The following GAS2 variants were observed in gnomAD, a reference collection of about 807,000 sequenced individuals.
The protein encoded by GAS2 is growth arrest specific 2.
Under a neutral mutation model 37.5 loss-of-function variants are expected in GAS2, and 20 were observed. The ratio of observed to expected loss-of-function variants is 0.53; its 90% CI spans 0.37 to 0.77. The LOEUF (loss-of-function observed/expected upper bound fraction) is 0.77, where lower values mean the gene tolerates loss of function less well. Among genes scored for constraint, GAS2 ranks in the 30% least tolerant of loss-of-function variants. The probability of loss-of-function intolerance (pLI) is 0.00; values close to 1 mark genes in which losing one functional copy is unlikely to be tolerated. For missense variants in GAS2, 336 were observed against 373.4 expected (o/e 0.90, Z 0.82); for synonymous variants, 144 against 132.2 (o/e 1.09, Z -0.61).
chr11:22,738,802 A>G (rs1230606966), intron 5 of GAS2, among the ~76,000 whole-genome samples: 2 of 152,234 alleles, frequency 1.3e-5, no homozygotes, highest in African/African-American at 4.8e-5. Context: ...TCTTTAAATC[A>G]TCATATCAAT....
chr11:22,692,742 T>C (rs1850309058), intron 3 of GAS2, among the ~76,000 whole-genome samples: 1 of 152,132 alleles, frequency 6.6e-6, no homozygotes. Flanking sequence ...ACCCAAGATA[T>C]TTTCCTTTCA....
chr11:22,649,473 A>T (rs2133828895), intron 1 of GAS2, among the ~76,000 whole-genome samples: 1 of 152,116 alleles, frequency 6.6e-6, no homozygotes, highest in African/African-American at 2.4e-5. Context: ...TATTGATTGG[A>T]ATAGTTTCAG....
intron 5 of GAS2, 133 bp from the exon 6 acceptor site, chr11:22,748,987 A>T: frequency 1.1e-6 from 1 of 892,632 alleles, no homozygotes; most frequent in Non-Finnish European, 1.7e-6. Flanking sequence ...TACAATTTCA[A>T]TGCCAGAAAA....
chr11:22,685,496 C>T (rs928135871), intron 2 of GAS2, among the ~76,000 whole-genome samples, 172 bp from the exon 3 acceptor site: 39 of 152,106 alleles, frequency 2.6e-4, no homozygotes, highest in African/African-American at 9.4e-4. Context: ...ATTCTTGCAA[C>T]CAAAGGAAGA....
At chr11:22,758,564 T>C (rs567239393) in intron 7 of GAS2, among the ~76,000 whole-genome samples, 2 of 152,282 alleles carry the variant, frequency 1.3e-5, no homozygotes, top group South Asian at 4.1e-4. Flanking sequence ...TGTTTACCTT[T>C]ACTTAAAGAT....
intron 7 of GAS2, among the ~76,000 whole-genome samples, chr11:22,767,337 A>G (rs1345453649): frequency 6.6e-6 from 1 of 152,068 alleles, no homozygotes; most frequent in Non-Finnish European, 1.5e-5. Context: ...ACACAGCAAA[A>G]TTTCCTTTTG....
At chr11:22,659,630 G>T (rs928879080) in intron 1 of GAS2, among the ~76,000 whole-genome samples, 1 of 151,984 alleles carries the variant, frequency 6.6e-6, no homozygotes, top group Non-Finnish European at 1.5e-5. Flanking sequence ...CACCACATGG[G>T]GCAGCTCATC....
chr11:22,674,948 A>G lies in GAS2; in HGVS notation c.79A>G (p.Ser27Gly). ...DMHQYSQWLA[S>G]RHEANLLPMK... ...GCATCAGTATAGCCAATGGCTAGCC[A>G]GCAGACATGAAGCTAATTTGCTACC... Residue 27 changes from serine to glycine, a missense_variant, in exon 2 of 8, where the codon AGC becomes GGC. Transcript: ENST00000454584. 6.2e-7 allele frequency: 1 copy of G among 1,613,990 alleles called. No individual in the cohort carries two copies. The highest frequency in any genetic ancestry group is 1.3e-5 in the African/African-American group (1 of 75,062).
At chr11:22,771,116 A>T (rs1307094045) in intron 7 of GAS2, among the ~76,000 whole-genome samples, 1 of 152,080 alleles carries the variant, frequency 6.6e-6, no homozygotes, top group Non-Finnish European at 1.5e-5. Context: ...AGGTACTAAA[A>T]CACTGTTTCT....
At chr11:22,664,009 AT>A (rs982303487), upstream of GAS2, among the ~76,000 whole-genome samples, 1 of 152,124 alleles carries the variant, frequency 6.6e-6, no homozygotes, top group African/African-American at 2.4e-5. Context: ...GTCTTCATGT[AT>A]TTTTTAATAC....
intron 5 of GAS2, among the ~76,000 whole-genome samples, chr11:22,746,392 A>G (rs143390512): frequency 0.014 from 2,102 of 152,278 alleles, 57 homozygotes; most frequent in African/African-American, 0.048. Context: ...TCATTCTACC[A>G]AAAAGACACA....
chr11:22,809,395 G>A (rs1043439705), intron 7 of GAS2, among the ~76,000 whole-genome samples: 1 of 152,088 alleles, frequency 6.6e-6, no homozygotes, highest in Admixed American at 6.6e-5. Flanking sequence ...CTTGCCTAAA[G>A]GTCAGTTTGC....
intron 7 of GAS2, among the ~76,000 whole-genome samples, chr11:22,795,896 G>T (rs1856405613): frequency 6.6e-6 from 1 of 152,106 alleles, no homozygotes; most frequent in African/African-American, 2.4e-5. Context: ...AAAAATTTTG[G>T]ACTAAGGAGC....
intron 7 of GAS2, among the ~76,000 whole-genome samples, chr11:22,779,559 G>T (rs953309054): frequency 6.6e-6 from 1 of 152,086 alleles, no homozygotes. Context: ...TTAGTCAGGT[G>T]TGGTGGCATG....
At chr11:22,669,198 T>C (rs563069939) in intron 1 of GAS2, among the ~76,000 whole-genome samples, 2 of 152,306 alleles carry the variant, frequency 1.3e-5, no homozygotes, top group Non-Finnish European at 2.9e-5. Context: ...AAAAGAATTT[T>C]CTCAACTTAG....
At chr11:22,658,671 T>G (rs1186871363) in intron 1 of GAS2, among the ~76,000 whole-genome samples, 2 of 152,272 alleles carry the variant, frequency 1.3e-5, no homozygotes, top group African/African-American at 4.8e-5. Context: ...AATGATGTAG[T>G]TTTGTAGAGT....
intron 1 of GAS2, among the ~76,000 whole-genome samples, chr11:22,653,104 C>A (rs1329630594): frequency 2.0e-5 from 3 of 148,754 alleles, no homozygotes; most frequent in African/African-American, 7.4e-5. Flanking sequence ...TTCCTTCTTT[C>A]CTCCCTTCCT....
intron 7 of GAS2, among the ~76,000 whole-genome samples, chr11:22,759,571 C>T (rs1217542841): frequency 6.6e-6 from 1 of 152,140 alleles, no homozygotes. Flanking sequence ...CTATCAAATG[C>T]AGCTAATTTT....
chr11:22,687,567 C>A (rs1850026642), intron 3 of GAS2, among the ~76,000 whole-genome samples: 1 of 152,168 alleles, frequency 6.6e-6, no homozygotes, highest in Non-Finnish European at 1.5e-5. Flanking sequence ...GAATTTGACA[C>A]AGACAACTTT....
Sources: gnomAD v4.1 joint callset for allele counts (sites outside exome capture counted in the v4.1 genomes callset) on GRCh38, gnomAD v4.1.1 for gene constraint, MANE v1.5 for transcripts, NCBI Gene and HGNC (gene_info 2026-07-23, HGNC 2026-07-21) for gene names.